Variants in MCPH1 observed in about 807,000 individuals in gnomAD.
The protein encoded by MCPH1 is microcephalin.
Under a neutral mutation model 84.5 loss-of-function variants are expected in MCPH1, and 104 were observed. That is an observed-to-expected ratio of 1.23 (90% CI 1.05 to 1.45). The LOEUF is 1.45. Among genes scored for constraint, MCPH1 ranks in the 40% most tolerant of loss-of-function variants. MCPH1 has a pLI of 0.00. For synonymous variants in MCPH1, 514 were observed against 366.8 expected, an observed-to-expected ratio of 1.40 and a Z score of -4.58; for missense variants, 1,498 against 1,005.7, an observed-to-expected ratio of 1.49 and a Z score of -6.62.
chr8:6,549,086 G>T (rs1242361544), intron 12 of MCPH1, among the ~76,000 whole-genome samples: 2 of 152,162 alleles, frequency 1.3e-5, no homozygotes, highest in East Asian at 1.9e-4. Flanking sequence ...GTTAGTCTTG[G>T]AACTCAGTCA....
intron 12 of MCPH1, among the ~76,000 whole-genome samples, chr8:6,577,316 AC>A (rs1827204546): frequency 1.3e-5 from 2 of 152,148 alleles, no homozygotes; most frequent in Non-Finnish European, 1.5e-5. Context: ...GTGCTCCAGA[AC>A]CCGGTGCATT....
intron 12 of MCPH1, among the ~76,000 whole-genome samples, chr8:6,565,228 T>G (rs1157356139): frequency 6.6e-6 from 1 of 152,220 alleles, no homozygotes; most frequent in African/African-American, 2.4e-5. Context: ...TATAATTGTA[T>G]GTTTAGAAAT....
At chr8:6,598,187 C>A (rs531806756) in intron 12 of MCPH1, among the ~76,000 whole-genome samples, 1 of 152,208 alleles carries the variant, frequency 6.6e-6, no homozygotes, top group Admixed American at 6.5e-5. Context: ...TCAGAGTGAG[C>A]ACCAGAGACT....
At position 6,407,014 on chromosome 8, in the gene MCPH1, C is replaced by T. The variant is rs750818966; in HGVS notation, c.22+325C>T. ...CCCCAACCCCCGTGCTGCTAGTTCC[C>T]CTCAATCCCCCGCTGCCTGCTCCCT... On this transcript the variant is annotated intron_variant, in intron 1 of 13. Coordinates refer to ENST00000344683, the MANE Select transcript of MCPH1 (RefSeq NM_024596.5). The T allele has an allele frequency of 2.5e-4, 98 of 391,646 alleles. 1 individual carries two copies. The highest frequency in any genetic ancestry group is 4.2e-4 in the Non-Finnish European group (91 of 214,668). The allele number at this position is 391,646 out of a possible 1,614,324, so 24.3% of individuals were successfully genotyped here.
intron 7 of MCPH1, among the ~76,000 whole-genome samples, chr8:6,443,325 G>A (rs2442511): frequency 0.71 from 107,365 of 152,206 alleles, 40,721 homozygotes; most frequent in Non-Finnish European, 0.83. Flanking sequence ...ACAATTTTAG[G>A]TGCTGAATAA....
chr8:6,414,636 C>T (rs1799004408), intron 2 of MCPH1, 129 bp from the exon 3 acceptor site: 2 of 943,902 alleles, frequency 2.1e-6, no homozygotes, highest in South Asian at 3.1e-5. Flanking sequence ...CAGCGTTATG[C>T]ATTCCTTTGA....
At chr8:6,436,020 C>T (rs1209893360) in intron 4 of MCPH1, 28 bp from the exon 5 acceptor site, 1 of 1,611,380 alleles carries the variant, frequency 6.2e-7, no homozygotes, top group East Asian at 2.2e-5. Flanking sequence ...TGCAGTACAG[C>T]ATTAATTTTT....
At chr8:6,426,661 G>T (rs932375484) in intron 3 of MCPH1, among the ~76,000 whole-genome samples, 1 of 152,198 alleles carries the variant, frequency 6.6e-6, no homozygotes. Context: ...GTCTTTGTAT[G>T]CTTTCATTTC....
chr8:6,431,820 A>G (rs1004423624), intron 4 of MCPH1, among the ~76,000 whole-genome samples: 3 of 152,212 alleles, frequency 2.0e-5, no homozygotes, highest in African/African-American at 7.2e-5. Context: ...GGCCATGGGA[A>G]GACTAAAAGG....
chr8:6,514,956 A>G (rs1815963188), intron 12 of MCPH1, among the ~76,000 whole-genome samples: 1 of 152,196 alleles, frequency 6.6e-6, no homozygotes, highest in Non-Finnish European at 1.5e-5. Flanking sequence ...AAATAAATTG[A>G]AAGTGATGGA....
chr8:6,567,976 G>C (rs1417483023), intron 12 of MCPH1, among the ~76,000 whole-genome samples: 1 of 152,156 alleles, frequency 6.6e-6, no homozygotes, highest in East Asian at 1.9e-4. Context: ...CCTTAATACT[G>C]TTTGTTTTCT....
rs531425549 is a variant in MCPH1, at chr8:6,604,746, C to A, written c.2215-16708C>A. ...TCTCGAATTCCTGACCTCAGGGGATCTGCCTGCCTCGGCCTCCCAAAGTGC... is the reference window on the plus strand; with the variant it reads ...TCTCGAATTCCTGACCTCAGGGGATATGCCTGCCTCGGCCTCCCAAAGTGC... On this transcript the variant is annotated intron_variant, in intron 12 of 13. Transcript: ENST00000344683. Among the ~76,000 whole-genome samples the A allele has an allele frequency of 5.5e-4, 84 of 152,354 alleles. 1 individual carries two copies. The highest frequency in any genetic ancestry group is 1.0e-3 in the Admixed American group (16 of 15,300).
At chr8:6,536,258 G>A (rs1028848073) in intron 12 of MCPH1, among the ~76,000 whole-genome samples, 7 of 152,012 alleles carry the variant, frequency 4.6e-5, no homozygotes, top group African/African-American at 1.7e-4. Context: ...CTTGGTTGCC[G>A]GCACTGCCTG....
At chr8:6,460,592 C>T (rs566589035) in intron 9 of MCPH1, among the ~76,000 whole-genome samples, 3 of 152,114 alleles carry the variant, frequency 2.0e-5, no homozygotes, top group Admixed American at 6.5e-5. Flanking sequence ...ACATATTATG[C>T]ATATTTCTTT....
chr8:6,452,549 A>G (rs1383480018), intron 8 of MCPH1, among the ~76,000 whole-genome samples: 2 of 152,238 alleles, frequency 1.3e-5, no homozygotes, highest in African/African-American at 2.4e-5. Flanking sequence ...TTTGACCCCC[A>G]CATTTATTTA....
chr8:6,563,932 G>A (rs1825902376), intron 12 of MCPH1, among the ~76,000 whole-genome samples: 1 of 150,172 alleles, frequency 6.7e-6, no homozygotes, highest in South Asian at 2.1e-4. Flanking sequence ...CATTACAATA[G>A]AGAAATTAGA....
At chr8:6,461,158 A>G (rs1219594513) in intron 9 of MCPH1, among the ~76,000 whole-genome samples, 3 of 152,116 alleles carry the variant, frequency 2.0e-5, no homozygotes, top group Non-Finnish European at 4.4e-5. Flanking sequence ...GAAAAAAACC[A>G]TGATTCCATG....
At chr8:6,427,410 C>T (rs1387473384) in intron 3 of MCPH1, among the ~76,000 whole-genome samples, 1 of 152,172 alleles carries the variant, frequency 6.6e-6, no homozygotes, top group Non-Finnish European at 1.5e-5. Context: ...CTTGCTTTGT[C>T]TCCCAGGCTG....
chr8:6,412,153 G>T (rs1262449922), intron 2 of MCPH1, among the ~76,000 whole-genome samples: 1 of 152,198 alleles, frequency 6.6e-6, no homozygotes, highest in African/African-American at 2.4e-5. Context: ...AGAGGTCAGT[G>T]GAGAGGAATC....
Sources: allele counts gnomAD v4.1 joint callset (sites outside exome capture counted in the v4.1 genomes callset), GRCh38; gene constraint gnomAD v4.1.1; transcripts MANE v1.5; gene names NCBI Gene and HGNC (gene_info 2026-07-23, HGNC 2026-07-21).